SULT4A1: variants seen among roughly 807,000 people sequenced by gnomAD.
SULT4A1 encodes the protein sulfotransferase 4A1.
In SULT4A1, 11 loss-of-function variants were observed where a neutral mutation model predicts 35.2. The ratio of observed to expected loss-of-function variants is 0.31; its 90% CI spans 0.20 to 0.52. The LOEUF (loss-of-function observed/expected upper bound fraction) is 0.52, where lower values mean the gene tolerates loss of function less well. Among genes scored for constraint, SULT4A1 ranks in the 20% least tolerant of loss-of-function variants. The probability of loss-of-function intolerance (pLI) is 0.97; values close to 1 mark genes in which losing one functional copy is unlikely to be tolerated. For missense variants in SULT4A1, 271 were observed against 383.7 expected, an observed-to-expected ratio of 0.71 and a Z score of 2.45; for synonymous variants, 152 against 151.8, an observed-to-expected ratio of 1.00 and a Z score of -0.01.
chr22:43,836,229 C>T (rs1324079966), intron 4 of SULT4A1, among the ~76,000 whole-genome samples: 8 of 129,966 alleles, frequency 6.2e-5, no homozygotes, highest in Non-Finnish European at 1.3e-4. Context: ...GTCCACACAG[C>T]GTCCTCCAAC....
At chr22:43,826,907 A>G (rs2063290802) in intron 6 of SULT4A1, 2 of 985,312 alleles carry the variant, frequency 2.0e-6, no homozygotes. Flanking sequence ...GGCAGCCACA[A>G]GGGAGGGCTG....
rs9625949 is a variant in SULT4A1, at chr22:43,840,159, G to T, written c.301-134C>A. The T allele has an allele frequency of 1.5e-5, 10 of 660,912 alleles. No homozygotes were observed. The South Asian group carries it at 1.9e-4, about 12-fold the overall frequency. 40.9% of individuals were successfully genotyped at this position (660,912 alleles called of 1,614,324 possible). On this transcript the variant is annotated intron_variant, in intron 2 of 6. Transcript: ENST00000330884. ...GGGAAGTGGAGTTATCAGAGGGAAC[G>T]GCGGGTCTAGGGTAGCGGAGGGGTC...
At chr22:43,840,515 G>C (rs1369832005) in intron 2 of SULT4A1, among the ~76,000 whole-genome samples, 1 of 152,136 alleles carries the variant, frequency 6.6e-6, no homozygotes, top group Non-Finnish European at 1.5e-5. Context: ...ACCCATCATA[G>C]CCACAGCCAC....
At chr22:43,857,540 G>C (rs2049416266) in intron 1 of SULT4A1, among the ~76,000 whole-genome samples, 1 of 152,122 alleles carries the variant, frequency 6.6e-6, no homozygotes, top group Non-Finnish European at 1.5e-5. Flanking sequence ...TAATGGCTGA[G>C]AATTTTTCCA....
intron 5 of SULT4A1, among the ~76,000 whole-genome samples, chr22:43,830,597 G>A (rs909096314): frequency 1.3e-5 from 2 of 152,248 alleles, no homozygotes; most frequent in African/African-American, 2.4e-5. Flanking sequence ...CACGGAGCCA[G>A]CGTGTTGGGG....
chr22:43,860,666 G>A (rs946245997), intron 1 of SULT4A1, among the ~76,000 whole-genome samples: 1 of 151,456 alleles, frequency 6.6e-6, no homozygotes, highest in African/African-American at 2.4e-5. Context: ...AGTAGCAGAT[G>A]GAAGGAAAGG....
chr22:43,834,985 T>A (rs868028455), intron 4 of SULT4A1, among the ~76,000 whole-genome samples: 1 of 23,696 alleles, frequency 4.2e-5, no homozygotes, highest in Non-Finnish European at 7.6e-5. Context: ...CCCCCACCGC[T>A]GCCCTGAGCT....
intron 6 of SULT4A1, 23 bp from the exon 7 acceptor site, chr22:43,826,136 G>A (rs1408563339): frequency 6.2e-7 from 1 of 1,612,538 alleles, no homozygotes; most frequent in Non-Finnish European, 8.5e-7. Context: ...CAAGAGAACT[G>A]CTGGGGCCAC....
At chr22:43,855,614 C>T (rs773979839) in intron 1 of SULT4A1, among the ~76,000 whole-genome samples, 3 of 152,198 alleles carry the variant, frequency 2.0e-5, no homozygotes, top group Non-Finnish European at 2.9e-5. Context: ...TCTCCTCTCG[C>T]TCCCTCCAGA....
chr22:43,827,032 T>C (rs1025238258), intron 6 of SULT4A1: 10 of 985,354 alleles, frequency 1.0e-5, no homozygotes, highest in Non-Finnish European at 1.2e-5. Flanking sequence ...TTTGTTAATA[T>C]AAAATCTTAG....
In SULT4A1 at chr22:43,839,958, T is replaced by C. The variant is rs138632722; in HGVS notation, c.368A>G (p.Asn123Ser). 2.2e-5 allele frequency: 36 copies of C among 1,607,570 alleles called. No individual in the cohort carries two copies. In the African/African-American group the frequency reaches 3.2e-4, roughly 14 times the overall value. ...GTGCCAGCTTACCTTGGAGTCTCCA[T>C]TGTGGAGGTCAGAGGGCAGAAAGCG... The part of the protein sequence containing the change: ...PYRFLPSDLH[N>S]GDSKVIYMAR... The change falls in exon 3 of 7, where the codon AAT (asparagine) becomes AGT (serine). Residue 123 changes from asparagine (N) to serine (S), a missense_variant. Asn to Ser is a conservative substitution (Grantham distance 46). Coordinates refer to ENST00000330884, the MANE Select transcript of SULT4A1 (RefSeq NM_014351.4).
At chr22:43,849,735 C>T (rs2063498872) in intron 1 of SULT4A1, among the ~76,000 whole-genome samples, 1 of 152,220 alleles carries the variant, frequency 6.6e-6, no homozygotes, top group Admixed American at 6.5e-5. Flanking sequence ...GGATGCCAGA[C>T]AAGAACTCGG....
chr22:43,854,296 A>G (rs1013510293), intron 1 of SULT4A1, among the ~76,000 whole-genome samples: 2 of 152,020 alleles, frequency 1.3e-5, no homozygotes, highest in African/African-American at 4.8e-5. Flanking sequence ...CTGCACTTCC[A>G]CTGTCGCCAA....
chr22:43,846,482 T>G (rs2063477895), intron 1 of SULT4A1, among the ~76,000 whole-genome samples: 1 of 152,242 alleles, frequency 6.6e-6, no homozygotes, highest in Non-Finnish European at 1.5e-5. Flanking sequence ...CGACAAACGC[T>G]GGTTGCTGCA....
intron 3 of SULT4A1, 45 bp from the exon 4 acceptor site, chr22:43,839,038 C>T: frequency 3.1e-6 from 5 of 1,606,438 alleles, no homozygotes; most frequent in South Asian, 1.1e-5. Flanking sequence ...CCTTCCCTCC[C>T]AGGCAGGGCT....
At chr22:43,860,102 G>A (rs1014715338) in intron 1 of SULT4A1, among the ~76,000 whole-genome samples, 2 of 152,204 alleles carry the variant, frequency 1.3e-5, no homozygotes, top group Non-Finnish European at 2.9e-5. Flanking sequence ...AGCAGAGGGT[G>A]GGAAGGGGCT....
intron 1 of SULT4A1, among the ~76,000 whole-genome samples, chr22:43,853,351 C>T (rs1025970866): frequency 4.6e-5 from 7 of 152,240 alleles, no homozygotes; most frequent in African/African-American, 1.4e-4. Flanking sequence ...TGGGACTGAC[C>T]TCCACCCATG....
intron 4 of SULT4A1, among the ~76,000 whole-genome samples, chr22:43,838,618 C>T (rs2063396762): frequency 1.3e-5 from 2 of 152,208 alleles, no homozygotes; most frequent in African/African-American, 2.4e-5. Context: ...TCAGACACCC[C>T]GACAGTGTGG....
At chr22:43,837,356 T>C (rs1400551044) in intron 4 of SULT4A1, among the ~76,000 whole-genome samples, 1 of 152,204 alleles carries the variant, frequency 6.6e-6, no homozygotes, top group Non-Finnish European at 1.5e-5. Flanking sequence ...AGCAAGATGT[T>C]TGTAGCCTCT....
Sources: allele counts gnomAD v4.1 joint callset (sites outside exome capture counted in the v4.1 genomes callset), GRCh38; gene constraint gnomAD v4.1.1; transcripts MANE v1.5; gene names NCBI Gene and HGNC (gene_info 2026-07-23, HGNC 2026-07-21).